CDH23: variants seen among roughly 807,000 people sequenced by gnomAD.
CDH23 encodes cadherin-23.
Under a neutral mutation model 317.1 loss-of-function variants are expected in CDH23, and 189 were observed. The ratio of observed to expected loss-of-function variants is 0.60; its 90% CI spans 0.53 to 0.67. The LOEUF is 0.67. Ranked by LOEUF, CDH23 falls within the 30% of genes least tolerant of loss-of-function variation. The pLI, the probability that CDH23 is intolerant of heterozygous loss-of-function variation, is 0.00. For missense variants in CDH23, 4,401 were observed against 4,592.4 expected, an observed-to-expected ratio of 0.96 and a Z score of 1.20; for synonymous variants, 1,839 against 1,876.8, an observed-to-expected ratio of 0.98 and a Z score of 0.52.
chr10:71,600,208 G>A (rs931203873), intron 9 of CDH23, among the ~76,000 whole-genome samples: 33 of 152,030 alleles, frequency 2.2e-4, no homozygotes, highest in African/African-American at 7.7e-4. Flanking sequence ...TACCATGTTG[G>A]CCAGGCTGGT....
chr10:71,813,281 G>C lies in CDH23; in HGVS notation c.9671G>C (p.Arg3224Pro), dbSNP rs561307421. ...AAGGTGGTCCTGGAGGATTACCTGC[G>C]GCTCAAAAAGCTCTTTGCACAGCGG... ...LLKVVLEDYL[R>P]LKKLFAQRMV... is the part of the protein sequence containing the mutation. The change falls in exon 69 of 70, where the codon CGG (arginine) becomes CCG (proline). Residue 3224 changes from arginine (R) to proline (P), a missense_variant. Physicochemically the swap from Arg to Pro is moderately radical, Grantham distance 103 (BLOSUM62 -2). Coordinates refer to ENST00000224721, the MANE Select transcript of CDH23 (RefSeq NM_022124.6). 3 of 1,551,550 alleles carry C rather than the reference G, an allele frequency of 1.9e-6. No individual in the cohort carries two copies. In the South Asian group the frequency reaches 3.6e-5, roughly 18 times the overall value.
At chr10:71,659,198 G>A (rs1381750540) in intron 14 of CDH23, among the ~76,000 whole-genome samples, 1 of 152,200 alleles carries the variant, frequency 6.6e-6, no homozygotes, top group African/African-American at 2.4e-5. Context: ...GGGACAATGG[G>A]CAGCTGTACA....
intron 38 of CDH23, among the ~76,000 whole-genome samples, chr10:71,761,257 C>T (rs1589405286): frequency 6.6e-6 from 1 of 152,310 alleles, no homozygotes; most frequent in Admixed American, 6.5e-5. Flanking sequence ...CTGAGTCATG[C>T]CCCAGGGCAC....
At position 71,643,871 on chromosome 10, in the gene CDH23, G is replaced by A. The variant is rs1564705624; in HGVS notation, c.1140+5G>A. 1.3e-6 allele frequency: 1 copy of A among 766,210 alleles called. No individual in the cohort carries two copies. The highest frequency in any genetic ancestry group is 2.4e-5 in the East Asian group (1 of 41,240). The allele number at this position is 766,210 out of a possible 1,614,324, so 47.5% of individuals were successfully genotyped here. A position where few individuals can be genotyped will look rare whatever the true frequency, so the allele number is the denominator to read the frequency against. On this transcript the variant is annotated splice_donor_5th_base_variant and intron_variant, in intron 12 of 69. Transcript: ENST00000224721. Reference sequence around the variant, plus strand: ...GACTCCCATTGACAGAATTTGGTAAGTGAGCCTCTGAAGGGCAGGGGTTGG... The same window carrying A: ...GACTCCCATTGACAGAATTTGGTAAATGAGCCTCTGAAGGGCAGGGGTTGG...
chr10:71,761,296 C>T lies in CDH23; in HGVS notation c.4846-16384C>T, dbSNP rs546288854. On this transcript the variant is annotated intron_variant, in intron 38 of 69. Transcript: ENST00000224721. ...TCAGTCCCACTGATGCCTATACCCA[C>T]AGCAGCCATGATGTCATCATGAGCA... Among the ~76,000 whole-genome samples the T allele has an allele frequency of 1.1e-4, 16 of 152,358 alleles. No homozygotes were observed. In the South Asian group the frequency reaches 2.5e-3, roughly 24 times the overall value.
At chr10:71,463,984 A>G (rs1205090011) in intron 3 of CDH23, among the ~76,000 whole-genome samples, 1 of 152,244 alleles carries the variant, frequency 6.6e-6, no homozygotes, top group East Asian at 1.9e-4. Context: ...CATAACTACT[A>G]TAAGCCCTTT....
chr10:71,500,701 C>G (rs541177655), intron 3 of CDH23, among the ~76,000 whole-genome samples: 2 of 152,270 alleles, frequency 1.3e-5, no homozygotes, highest in Admixed American at 1.3e-4. Flanking sequence ...ATGAGAAAGA[C>G]TTGGGTTGGA....
intron 38 of CDH23, 107 bp from the exon 39 acceptor site, chr10:71,777,573 T>C: frequency 1.1e-6 from 1 of 943,162 alleles, no homozygotes; most frequent in Non-Finnish European, 1.6e-6. Flanking sequence ...CCTTGCCCTT[T>C]CTGTTTGAGT....
intron 6 of CDH23, among the ~76,000 whole-genome samples, chr10:71,544,590 C>T (rs751766671): frequency 6.6e-6 from 1 of 152,182 alleles, no homozygotes. Context: ...GGTTAGTGAC[C>T]GGGATGGAAA....
intron 6 of CDH23, among the ~76,000 whole-genome samples, chr10:71,517,157 A>T (rs1854378021): frequency 1.3e-5 from 2 of 152,226 alleles, no homozygotes; most frequent in Non-Finnish European, 2.9e-5. Context: ...TACACAAAGT[A>T]CTTTGCTCGG....
chr10:71,800,560 G>C, intron 52 of CDH23, 76 bp from the exon 53 acceptor site: 1 of 1,500,520 alleles, frequency 6.7e-7, no homozygotes, highest in Non-Finnish European at 9.1e-7. Flanking sequence ...GCCCATAACA[G>C]CATCTGGCCA....
chr10:71,691,929 C>T (rs1025815657), intron 20 of CDH23, among the ~76,000 whole-genome samples: 48 of 152,190 alleles, frequency 3.2e-4, no homozygotes, highest in African/African-American at 1.0e-3. Flanking sequence ...GACCCAGGGC[C>T]ACTGTGAGCC....
chr10:71,620,034 G>A lies in CDH23; in HGVS notation c.1134+2641G>A, dbSNP rs550521106. Among the ~76,000 whole-genome samples the A allele has an allele frequency of 1.4e-4, 22 of 152,294 alleles. No homozygotes were observed. The South Asian group carries it at 1.5e-3, about 10-fold the overall frequency. ...CCCCACATAAAAGTTGATTTCTCAC[G>A]TGGACGACTAGGCTAGCACAGGTGG... is the stretch of plus-strand genomic sequence containing the variant. On this transcript the variant is annotated intron_variant, in intron 11 of 69. Coordinates refer to ENST00000224721, the MANE Select transcript of CDH23 (RefSeq NM_022124.6).
At chr10:71,622,490 G>A (rs762880378) in intron 11 of CDH23, among the ~76,000 whole-genome samples, 2 of 152,140 alleles carry the variant, frequency 1.3e-5, no homozygotes, top group Non-Finnish European at 2.9e-5. Context: ...ATCCCCCTCC[G>A]AAGAGTCAGA....
intron 34 of CDH23, 69 bp from the exon 35 acceptor site, chr10:71,738,429 G>A: frequency 6.3e-7 from 1 of 1,594,038 alleles, no homozygotes; most frequent in Non-Finnish European, 8.6e-7. Context: ...TGGACCCACG[G>A]TGGGACCCAG....
At chr10:71,609,065 A>G (rs1242574190) in intron 9 of CDH23, among the ~76,000 whole-genome samples, 1 of 152,120 alleles carries the variant, frequency 6.6e-6, no homozygotes, top group Non-Finnish European at 1.5e-5. Context: ...TGAGATAACA[A>G]GGGGACAAGA....
rs946145868 is a variant in CDH23, at chr10:71,739,706, C to A, written c.4422C>A (p.Asp1474Glu). ...CCTTTGAGATCGTCACCACCAATGACTCCATTGGCGAAGTGTTTGTGGCCA... is the reference window on the plus strand; with the variant it reads ...CCTTTGAGATCGTCACCACCAATGAATCCATTGGCGAAGTGTTTGTGGCCA... Reference protein sequence around the residue: ...AGAFEIVTTNDSIGEVFVARP... With the variant: ...AGAFEIVTTNESIGEVFVARP... Residue 1474 changes from aspartate to glutamate, a missense_variant, in exon 36 of 70, where the codon GAC becomes GAA. This residue lies in a region of CDH23 where 3,068 missense variants were observed against 3,203.3 expected (regional missense o/e 0.96). Transcript: ENST00000224721. 1.2e-6 allele frequency: 2 copies of A among 1,613,394 alleles called. No homozygotes were observed. The highest frequency in any genetic ancestry group is 2.2e-5 in the East Asian group (1 of 44,890).
chr10:71,434,311 T>A (rs1297509415), intron 1 of CDH23, among the ~76,000 whole-genome samples: 1 of 152,208 alleles, frequency 6.6e-6, no homozygotes. Context: ...TCTGTTGGGG[T>A]TGGTCTCTCC....
chr10:71,468,443 G>A (rs1851356645), intron 3 of CDH23, among the ~76,000 whole-genome samples: 1 of 152,156 alleles, frequency 6.6e-6, no homozygotes, highest in African/African-American at 2.4e-5. Flanking sequence ...CAGGCCATCT[G>A]TACTAGCATC....
Sources: allele counts gnomAD v4.1 joint callset (sites outside exome capture counted in the v4.1 genomes callset), GRCh38; gene constraint gnomAD v4.1.1; regional missense constraint gnomAD v4.1.1; transcripts MANE v1.5; gene names NCBI Gene and HGNC (gene_info 2026-07-23, HGNC 2026-07-21).